Variants in EPS15 observed in about 807,000 individuals in gnomAD.
EPS15 encodes the protein epidermal growth factor receptor substrate 15.
In EPS15, 72 loss-of-function variants were observed where a neutral mutation model predicts 113.8. The observed-to-expected ratio is 0.63, with a 90% CI of 0.52 to 0.77. The LOEUF is 0.77. EPS15 is among the 30% of genes least tolerant of loss of function. EPS15 has a pLI of 0.00. For synonymous variants in EPS15, 344 were observed against 363.4 expected (o/e 0.95, Z 0.61); for missense variants, 1,048 against 1,045.8 (o/e 1.00, Z -0.03).
intron 1 of EPS15, among the ~76,000 whole-genome samples, chr1:51,493,627 G>T (rs1397333916): frequency 6.6e-6 from 1 of 150,686 alleles, no homozygotes; most frequent in Admixed American, 6.6e-5. Context: ...TTTTTTGGGG[G>T]GTGGATGGGA....
At chr1:51,415,391 C>T (rs943676963) in intron 13 of EPS15, among the ~76,000 whole-genome samples, 4 of 152,160 alleles carry the variant, frequency 2.6e-5, no homozygotes, top group African/African-American at 9.7e-5. Context: ...GGAAAGGTTA[C>T]TGAGGAAATA....
intron 1 of EPS15, among the ~76,000 whole-genome samples, 187 bp downstream of exon 1, chr1:51,519,012 G>T (rs990160917): frequency 4.6e-5 from 7 of 151,326 alleles, no homozygotes; most frequent in South Asian, 2.1e-4. Context: ...GCGGCCGCAG[G>T]GGGGCTCCGG....
At chr1:51,493,165 T>G (rs1644266737) in intron 1 of EPS15, among the ~76,000 whole-genome samples, 1 of 152,146 alleles carries the variant, frequency 6.6e-6, no homozygotes, top group Non-Finnish European at 1.5e-5. Context: ...ATTGAAACCA[T>G]CCTGGCTAAC....
chr1:51,445,146 T>A, intron 10 of EPS15, 101 bp from the exon 11 acceptor site: 3,251 of 767,230 alleles, frequency 4.2e-3, no homozygotes, highest in Non-Finnish European at 6.0e-3. Context: ...ATGAGGTGAA[T>A]TTAAAAAGAC....
At chr1:51,372,467 GT>G in intron 21 of EPS15, 3 of 533,728 alleles carry the variant, frequency 5.6e-6, no homozygotes, top group Non-Finnish European at 3.8e-6. Context: ...ATTCTGTCTG[GT>G]TTTTAGACCA....
At chr1:51,492,773 T>C (rs1320193743) in intron 1 of EPS15, among the ~76,000 whole-genome samples, 1 of 152,142 alleles carries the variant, frequency 6.6e-6, no homozygotes, top group Non-Finnish European at 1.5e-5. Flanking sequence ...ATGACTAATA[T>C]ACGAATTTAT....
At chr1:51,423,394 T>A (rs1241191067) in intron 12 of EPS15, 4 of 1,090,998 alleles carry the variant, frequency 3.7e-6, no homozygotes, top group Admixed American at 8.0e-5. Context: ...CGGGGAAAAA[T>A]TTCTGAAAAT....
At chr1:51,460,987 C>A in intron 8 of EPS15, 104 bp downstream of exon 8, 1 of 740,120 alleles carries the variant, frequency 1.4e-6, no homozygotes. Flanking sequence ...ACCCAATAAT[C>A]TGATGAGAAT....
At chr1:51,485,819 A>C (rs1293956929) in intron 1 of EPS15, among the ~76,000 whole-genome samples, 1 of 151,952 alleles carries the variant, frequency 6.6e-6, no homozygotes, top group Admixed American at 6.6e-5. Flanking sequence ...TTTTTTTGAG[A>C]TGGAGTTCGC....
At chr1:51,507,840 G>C (rs1644524407) in intron 1 of EPS15, among the ~76,000 whole-genome samples, 1 of 152,048 alleles carries the variant, frequency 6.6e-6, no homozygotes, top group African/African-American at 2.4e-5. Context: ...TTTTCGACAT[G>C]CATGTTCCAA....
At chr1:51,442,282 G>C (rs1465939086) in intron 11 of EPS15, among the ~76,000 whole-genome samples, 1 of 152,108 alleles carries the variant, frequency 6.6e-6, no homozygotes, top group African/African-American at 2.4e-5. Context: ...ATCAGCAAGA[G>C]TAAATTACTT....
At chr1:51,482,730 T>A (rs1197205468) in intron 1 of EPS15, among the ~76,000 whole-genome samples, 2 of 152,058 alleles carry the variant, frequency 1.3e-5, no homozygotes, top group Non-Finnish European at 2.9e-5. Flanking sequence ...CTTCCCAAAG[T>A]GCTGGGATTA....
In EPS15 at chr1:51,508,255, AG is replaced by A. The variant is rs1454515411; in HGVS notation, c.33+10943del. Among the ~76,000 whole-genome samples, 16 of 133,226 alleles carry A rather than the reference AG, an allele frequency of 1.2e-4. No homozygotes were observed. The South Asian group carries it at 1.4e-3, about 11-fold the overall frequency. The allele number at this position is 133,226 out of a possible 152,430, so 87.4% of individuals were successfully genotyped here. On this transcript the variant is annotated intron_variant, in intron 1 of 24. Coordinates refer to ENST00000371733, the MANE Select transcript of EPS15 (RefSeq NM_001981.3). The stretch of plus-strand genomic sequence containing the variant: ...AAAGAAAAGAAAGAGAGAAAGAGAG[AG>A]AGAGAGAGAGAGAGAGAAAGAGAGA...
chr1:51,496,773 C>A (rs529258055), intron 1 of EPS15, among the ~76,000 whole-genome samples: 1 of 152,144 alleles, frequency 6.6e-6, no homozygotes, highest in African/African-American at 2.4e-5. Context: ...TTAAAATTCA[C>A]TCCATTATAG....
chr1:51,384,806 A>G (rs1338539484), intron 21 of EPS15, among the ~76,000 whole-genome samples: 2 of 152,224 alleles, frequency 1.3e-5, no homozygotes, highest in African/African-American at 4.8e-5. Context: ...ATATATGGTC[A>G]AATGATTTTC....
intron 6 of EPS15, among the ~76,000 whole-genome samples, chr1:51,464,025 C>T (rs1654667317): frequency 6.6e-6 from 1 of 151,974 alleles, no homozygotes; most frequent in Non-Finnish European, 1.5e-5. Flanking sequence ...CTGGTGTTGC[C>T]CATTCTTTTT....
chr1:51,479,460 C>T (rs191823074), intron 2 of EPS15, among the ~76,000 whole-genome samples: 107 of 152,310 alleles, frequency 7.0e-4, no homozygotes, highest in African/African-American at 2.5e-3. Context: ...GTTCTGTCAG[C>T]TTGTCAAAGT....
At chr1:51,403,329 T>C (rs1648765241) in intron 17 of EPS15, 90 bp downstream of exon 17, 3 of 682,632 alleles carry the variant, frequency 4.4e-6, no homozygotes, top group Non-Finnish European at 5.2e-6. Context: ...ATAATGTATA[T>C]TGTACCCATT....
At chr1:51,469,956 C>T (rs1219642741) in intron 4 of EPS15, among the ~76,000 whole-genome samples, 2 of 152,062 alleles carry the variant, frequency 1.3e-5, no homozygotes, top group Non-Finnish European at 2.9e-5. Context: ...AACAGCTTCA[C>T]AAAACCCTCC....
Sources: gnomAD v4.1 joint callset for allele counts (sites outside exome capture counted in the v4.1 genomes callset) on GRCh38, gnomAD v4.1.1 for gene constraint, MANE v1.5 for transcripts, NCBI Gene and HGNC (gene_info 2026-07-23, HGNC 2026-07-21) for gene names.